The following ZC3H12B variants were observed in gnomAD, a reference collection of about 807,000 sequenced individuals.
The protein encoded by ZC3H12B is probable ribonuclease ZC3H12B.
A neutral mutation model predicts 43.9 loss-of-function variants in ZC3H12B; 7 were observed. The observed-to-expected ratio is 0.16, with a 90% CI of 0.09 to 0.30. The LOEUF is 0.30. Ranked by LOEUF, ZC3H12B falls within the 10% of genes least tolerant of loss-of-function variation. The pLI is 1.00. For synonymous variants in ZC3H12B, 222 were observed against 241.7 expected, an observed-to-expected ratio of 0.92 and a Z score of 0.76; for missense variants, 475 against 670.2, an observed-to-expected ratio of 0.71 and a Z score of 3.22.
the ZC3H12B span, among the ~76,000 whole-genome samples, chrX:65,226,511 T>G: frequency 1.1e-3 from 119 of 111,408 alleles, no homozygotes; most frequent in Non-Finnish European, 1.8e-3. Flanking sequence ...ATAATGACAG[T>G]ATCAAATTCA....
rs1251500758 is a variant in ZC3H12B at position 65,499,865 on chromosome X, T to C, written c.984-18T>C. On this transcript the variant is annotated intron_variant, in intron 3 of 4. Coordinates refer to ENST00000338957, the Ensembl canonical transcript of ZC3H12B. ...GGACAGAAAGGAAGACAGTCACCTC[T>C]TGCTTACTTGCTTTCAGATTTATGC... is the stretch of plus-strand genomic sequence containing the variant. The C allele has an allele frequency of 8.5e-7, 1 of 1,182,439 alleles. No individual in the cohort carries two copies. The highest frequency in any genetic ancestry group is 1.1e-6 in the Non-Finnish European group (1 of 870,668).
chrX:65,133,241 G>T, the ZC3H12B span, among the ~76,000 whole-genome samples: 1 of 111,217 alleles, frequency 9.0e-6, no homozygotes, highest in African/African-American at 3.3e-5. Flanking sequence ...TTGCTACTTG[G>T]CTGCCTCTAC....
intron 3 of ZC3H12B, among the ~76,000 whole-genome samples, chrX:65,405,823 A>C (rs1453264764): frequency 1.8e-5 from 2 of 111,922 alleles, no homozygotes; most frequent in African/African-American, 6.5e-5. Flanking sequence ...ATTACAACTG[A>C]TACTGCAGAA....
the ZC3H12B span, among the ~76,000 whole-genome samples, chrX:65,143,734 T>C: frequency 9.2e-6 from 1 of 108,484 alleles, no homozygotes; most frequent in Admixed American, 9.9e-5. Context: ...AGCTAATTTT[T>C]TTTTTTTAAT....
At chrX:65,169,437 G>C in the ZC3H12B span, among the ~76,000 whole-genome samples, 1 of 111,889 alleles carries the variant, frequency 8.9e-6, no homozygotes, top group African/African-American at 3.3e-5. Context: ...ATTTGCTGAG[G>C]AGTGCTTTAC....
chrX:65,095,539 G>A, the ZC3H12B span, among the ~76,000 whole-genome samples: 33 of 111,187 alleles, frequency 3.0e-4, no homozygotes, highest in African/African-American at 9.5e-4. Context: ...ACCAGTACTG[G>A]GTGAGGAAAA....
At chrX:65,395,625 G>A (rs762410407) in intron 2 of ZC3H12B, among the ~76,000 whole-genome samples, 2 of 111,993 alleles carry the variant, frequency 1.8e-5, no homozygotes, top group Non-Finnish European at 1.9e-5. Flanking sequence ...ATGTTCATCA[G>A]GGATATTGGC....
At chrX:65,236,900 G>C in the ZC3H12B span, among the ~76,000 whole-genome samples, 2 of 111,598 alleles carry the variant, frequency 1.8e-5, no homozygotes, top group Admixed American at 9.5e-5. Flanking sequence ...TCTTCCATTA[G>C]TCTATGTGTC....
chrX:65,066,686 G>A, the ZC3H12B span, among the ~76,000 whole-genome samples: 1 of 111,991 alleles, frequency 8.9e-6, no homozygotes, highest in African/African-American at 3.2e-5. Flanking sequence ...GAGATCCACT[G>A]CTCTCTTTAG....
At chrX:65,353,563 T>C in the ZC3H12B span, among the ~76,000 whole-genome samples, 1 of 111,921 alleles carries the variant, frequency 8.9e-6, no homozygotes, top group Non-Finnish European at 1.9e-5. Context: ...TAATTAAAAC[T>C]GCTAGTTTTT....
the ZC3H12B span, among the ~76,000 whole-genome samples, chrX:65,190,090 C>G: frequency 2.7e-5 from 3 of 111,212 alleles, no homozygotes; most frequent in Non-Finnish European, 5.7e-5. Flanking sequence ...TCAGGTTTGT[C>G]AAAGATCAGA....
At chrX:65,303,550 T>C in the ZC3H12B span, among the ~76,000 whole-genome samples, 5 of 111,872 alleles carry the variant, frequency 4.5e-5, no homozygotes, top group Admixed American at 9.5e-5. Context: ...TTCTTTACCT[T>C]CTTTGAAAAT....
At chrX:65,134,987 G>A in the ZC3H12B span, among the ~76,000 whole-genome samples, 2 of 111,094 alleles carry the variant, frequency 1.8e-5, no homozygotes, top group African/African-American at 3.3e-5. Context: ...AGTTAAGGCA[G>A]GAACCAGCCA....
rs546042492 is a variant in ZC3H12B, at chrX:65,374,982, G to T, written n.295+5984G>T. On this transcript the variant is annotated intron_variant and non_coding_transcript_variant, in intron 2 of 5. Coordinates refer to the ZC3H12B transcript ENST00000617377. ...GAGTATGGGAACTACAATTCAAGATGAGATTTGAGAGGAGACACAGCCAAA... is the reference window on the plus strand; with the variant it reads ...GAGTATGGGAACTACAATTCAAGATTAGATTTGAGAGGAGACACAGCCAAA... Among the ~76,000 whole-genome samples, 3 of 111,480 alleles carry T rather than the reference G, an allele frequency of 2.7e-5. No individual in the cohort carries two copies. The East Asian group carries it at 8.5e-4, about 31-fold the overall frequency.
intron 2 of ZC3H12B, among the ~76,000 whole-genome samples, chrX:65,381,519 C>A (rs1210827304): frequency 9.0e-6 from 1 of 111,179 alleles, no homozygotes; most frequent in African/African-American, 3.3e-5. Flanking sequence ...CCAAAATTGA[C>A]ACCCTAACAT....
At chrX:65,176,873 C>A in the ZC3H12B span, among the ~76,000 whole-genome samples, 1 of 111,674 alleles carries the variant, frequency 9.0e-6, no homozygotes, top group African/African-American at 3.3e-5. Flanking sequence ...GGTACCATTT[C>A]TTCTGAAACT....
the ZC3H12B span, among the ~76,000 whole-genome samples, chrX:65,289,619 C>T: frequency 1.1e-3 from 120 of 109,476 alleles, no homozygotes; most frequent in African/African-American, 3.7e-3. Flanking sequence ...GTAACCAAAA[C>T]AGCATGGTAT....
chrX:65,211,868 A>T, the ZC3H12B span, among the ~76,000 whole-genome samples: 1 of 77,899 alleles, frequency 1.3e-5, no homozygotes, highest in Non-Finnish European at 2.2e-5. Context: ...ATACTATATA[A>T]TATATAATAT....
the ZC3H12B span, among the ~76,000 whole-genome samples, chrX:65,296,631 G>C: frequency 2.7e-5 from 3 of 110,994 alleles, no homozygotes; most frequent in Admixed American, 1.9e-4. Flanking sequence ...TAAAGAAAGA[G>C]AGAATCCTCC....
Sources: allele counts gnomAD v4.1 joint callset (sites outside exome capture counted in the v4.1 genomes callset), GRCh38; gene constraint gnomAD v4.1.1; transcripts MANE v1.5; gene names NCBI Gene and HGNC (gene_info 2026-07-23, HGNC 2026-07-21).